EFR3A: variants seen among roughly 807,000 people sequenced by gnomAD.
EFR3A encodes EFR3 homolog A, also known as protein EFR3 homolog A.
A neutral mutation model predicts 104.4 loss-of-function variants in EFR3A; 76 were observed. The observed-to-expected ratio is 0.73, with a 90% CI of 0.60 to 0.88. The LOEUF (loss-of-function observed/expected upper bound fraction) is 0.88, where lower values mean the gene tolerates loss of function less well. EFR3A is among the 40% of genes least tolerant of loss of function. EFR3A has a pLI of 0.00. For synonymous variants in EFR3A, 330 were observed against 330.0 expected, an observed-to-expected ratio of 1.00 and a Z score of 0.00; for missense variants, 985 against 1,012.5, an observed-to-expected ratio of 0.97 and a Z score of 0.37.
At chr8:131,936,354 AAG>A (rs1817880681) in intron 1 of EFR3A, among the ~76,000 whole-genome samples, 1 of 152,134 alleles carries the variant, frequency 6.6e-6, no homozygotes, top group Non-Finnish European at 1.5e-5. Context: ...GATTTTCCCC[AAG>A]CACCGAGCTA....
At chr8:131,908,283 A>G (rs1299142385) in intron 1 of EFR3A, among the ~76,000 whole-genome samples, 3 of 151,982 alleles carry the variant, frequency 2.0e-5, no homozygotes, top group East Asian at 1.9e-4. Flanking sequence ...GATGGTCTCA[A>G]TCTCCTGACC....
At position 131,927,678 on chromosome 8, in the gene EFR3A, G is replaced by A. The variant is rs554680054; in HGVS notation, c.11-12821G>A. Among the ~76,000 whole-genome samples the A allele has an allele frequency of 4.6e-5, 7 of 152,154 alleles. No homozygotes were observed. In the South Asian group the frequency reaches 6.2e-4, roughly 14 times the overall value. ...AAGAGCTTTTTTTAGGAACCATAAC[G>A]TGTGTGCCAATCAGTTACCAGCTAT... is the stretch of plus-strand genomic sequence containing the variant. On this transcript the variant is annotated intron_variant, in intron 1 of 22. Transcript: ENST00000254624.
At chr8:131,971,643 G>A (rs1184577595) in intron 10 of EFR3A, among the ~76,000 whole-genome samples, 1 of 151,170 alleles carries the variant, frequency 6.6e-6, no homozygotes, top group Non-Finnish European at 1.5e-5. Flanking sequence ...AGCCGAGATG[G>A]CGCCACTGCA....
rs1822319315 is a variant in EFR3A at position 132,011,014 on chromosome 8, T to C, written c.*119T>C. The C allele has an allele frequency of 9.9e-6, 13 of 1,308,810 alleles. No individual in the cohort carries two copies. The South Asian group carries it at 3.3e-4, about 33-fold the overall frequency. The allele number at this position is 1,308,810 out of a possible 1,614,324, so 81.1% of individuals were successfully genotyped here. The stretch of plus-strand genomic sequence containing the variant: ...TTCTTGAAAATAATGATGGAACATA[T>C]CTTTAACCAAATGTTTGGCATACCA... On this transcript the variant is annotated 3_prime_UTR_variant, in exon 23 of 23. Coordinates refer to ENST00000254624, the MANE Select transcript of EFR3A (RefSeq NM_015137.6).
At chr8:131,962,753 C>T (rs993471637) in intron 8 of EFR3A, among the ~76,000 whole-genome samples, 1 of 152,216 alleles carries the variant, frequency 6.6e-6, no homozygotes. Flanking sequence ...CACCCCAGAT[C>T]AACAGAATAT....
rs762282805 is a variant in EFR3A at position 131,981,021 on chromosome 8, T to TTATATA, written c.1575+1619_1575+1624dup. On this transcript the variant is annotated intron_variant, in intron 14 of 22. Coordinates refer to ENST00000254624, the MANE Select transcript of EFR3A (RefSeq NM_015137.6). ...GTGTAAGGCTGAATAGTATTTCATTTTATATATATATATATATATATATAC... is the reference window on the plus strand; with the variant it reads ...GTGTAAGGCTGAATAGTATTTCATTTTATATATATATATATATATATATATATATAC... Among the ~76,000 whole-genome samples the TTATATA allele has an allele frequency of 6.1e-3, 771 of 126,012 alleles. 5 individuals carry two copies. Among genetic ancestry groups the TTATATA allele is most frequent in the African/African-American group, 0.019 (689 of 35,674 alleles). The allele number at this position is 126,012 out of a possible 152,430, so 82.7% of individuals were successfully genotyped here. A position where few individuals can be genotyped will look rare whatever the true frequency, so the allele number is the denominator to read the frequency against.
At chr8:132,006,342 A>G (rs1303254138) in intron 22 of EFR3A, among the ~76,000 whole-genome samples, 2 of 152,120 alleles carry the variant, frequency 1.3e-5, no homozygotes, top group Non-Finnish European at 2.9e-5. Flanking sequence ...AGAAAAAGAG[A>G]GAAAACACAG....
intron 1 of EFR3A, among the ~76,000 whole-genome samples, chr8:131,916,410 TG>T (rs1816748153): frequency 2.6e-5 from 4 of 152,174 alleles, no homozygotes; most frequent in African/African-American, 7.2e-5. Flanking sequence ...CTTTATCATA[TG>T]GGTGAATGGT....
intron 1 of EFR3A, among the ~76,000 whole-genome samples, chr8:131,917,222 A>G (rs117899532): frequency 6.1e-4 from 93 of 152,364 alleles, no homozygotes; most frequent in Middle Eastern, 6.8e-3. Flanking sequence ...ACTGAGGGAC[A>G]TTAGAGACGA....
chr8:132,010,419 T>C (rs1267595389), intron 22 of EFR3A, among the ~76,000 whole-genome samples: 2 of 88,330 alleles, frequency 2.3e-5, no homozygotes, highest in African/African-American at 8.9e-5. Context: ...TATATATATA[T>C]ATATATATAT....
chr8:131,972,174 G>T (rs1258693019), intron 10 of EFR3A, among the ~76,000 whole-genome samples: 3 of 151,310 alleles, frequency 2.0e-5, no homozygotes, highest in African/African-American at 7.3e-5. Flanking sequence ...ATTCATTACT[G>T]TAGTTAATCA....
chr8:131,953,886 C>A lies in EFR3A; in HGVS notation c.557C>A (p.Ala186Asp). 6.3e-7 allele frequency: 1 copy of A among 1,576,514 alleles called. No individual in the cohort carries two copies. The highest frequency in any genetic ancestry group is 2.3e-5 in the East Asian group (1 of 43,398). Residue 186 changes from alanine (A) to aspartate (D), a missense_variant, in exon 6 of 23, where the codon GCC (alanine) becomes GAC (aspartate). By Grantham distance (126) the Ala-to-Asp change is moderately radical. Transcript: ENST00000254624. ...AAAACAGTCAACGATGAACTTCGGG[C>A]CACCATTTGGGAACCTCAGCATATG... ...VRKTVNDELR[A>D]TIWEPQHMDK...
intron 3 of EFR3A, among the ~76,000 whole-genome samples, chr8:131,945,629 G>GT (rs1383800339): frequency 7.2e-5 from 11 of 151,882 alleles, no homozygotes; most frequent in Admixed American, 7.2e-4. Context: ...TTTTAATTTT[G>GT]TTTTAAATTT....
intron 1 of EFR3A, among the ~76,000 whole-genome samples, chr8:131,931,011 AG>A: frequency 6.6e-6 from 1 of 152,142 alleles, no homozygotes. Flanking sequence ...TCATTATACA[AG>A]GGGAGTGGTT....
At chr8:132,002,761 C>T in intron 21 of EFR3A, 55 bp downstream of exon 21, 1 of 1,405,746 alleles carries the variant, frequency 7.1e-7, no homozygotes, top group South Asian at 1.2e-5. Flanking sequence ...TGTGGAAACT[C>T]TTCCTTGGTG....
intron 18 of EFR3A, among the ~76,000 whole-genome samples, chr8:131,990,937 T>G (rs1821151007): frequency 6.6e-6 from 1 of 152,168 alleles, no homozygotes; most frequent in South Asian, 2.1e-4. Flanking sequence ...TTCATTTGCT[T>G]GTTTTTTTGT....
chr8:131,951,468 C>A (rs1818700711), intron 5 of EFR3A, among the ~76,000 whole-genome samples: 1 of 152,060 alleles, frequency 6.6e-6, no homozygotes, highest in Non-Finnish European at 1.5e-5. Context: ...TCTCTGTCTT[C>A]AGAGGCTGAT....
chr8:131,931,252 GCTTTGATTGTATTTATTC>G (rs1563635884), intron 1 of EFR3A, among the ~76,000 whole-genome samples: 1 of 152,118 alleles, frequency 6.6e-6, no homozygotes, highest in Non-Finnish European at 1.5e-5. Context: ...AACATAGTTC[GCTTTGATTGTATTTATTC>G]CAAGGCAACC....
intron 17 of EFR3A, among the ~76,000 whole-genome samples, chr8:131,986,806 AAAG>A (rs1820909285): frequency 6.6e-6 from 1 of 151,636 alleles, no homozygotes; most frequent in Admixed American, 6.6e-5. Flanking sequence ...AAAAAAAAAA[AAAG>A]AATAAGAAAA....
Sources: allele counts gnomAD v4.1 joint callset (sites outside exome capture counted in the v4.1 genomes callset), GRCh38; gene constraint gnomAD v4.1.1; transcripts MANE v1.5; gene names NCBI Gene and HGNC (gene_info 2026-07-23, HGNC 2026-07-21).